DYSF: variants seen among roughly 807,000 people sequenced by gnomAD.
DYSF encodes dysferlin, also known as dystrophy-associated fer-1-like 1.
A neutral mutation model predicts 274.9 loss-of-function variants in DYSF; 212 were observed. That is an observed-to-expected ratio of 0.77 (90% CI 0.69 to 0.86). The LOEUF (loss-of-function observed/expected upper bound fraction) is 0.86. Ranked by LOEUF, DYSF falls within the 40% of genes least tolerant of loss-of-function variation. The probability of loss-of-function intolerance (pLI) is 0.00; values close to 1 mark genes in which losing one functional copy is unlikely to be tolerated. For missense variants in DYSF, 2,666 were observed against 2,783.2 expected (o/e 0.96, Z 0.95); for synonymous variants, 1,091 against 1,078.7 (o/e 1.01, Z -0.22).
chr2:71,465,665 T>C (rs1391669379), upstream of DYSF, among the ~76,000 whole-genome samples: 1 of 151,548 alleles, frequency 6.6e-6, no homozygotes, highest in Non-Finnish European at 1.5e-5. Context: ...GGAAAGGGAG[T>C]TGAGATTTTG....
intron 30 of DYSF, among the ~76,000 whole-genome samples, chr2:71,586,438 G>A (rs1470187510): frequency 1.3e-5 from 2 of 152,052 alleles, no homozygotes; most frequent in Non-Finnish European, 2.9e-5. Flanking sequence ...GTGTGGCTGG[G>A]CCCCTCCTCT....
intron 29 of DYSF, among the ~76,000 whole-genome samples, chr2:71,572,454 G>A (rs2092549269): frequency 6.6e-6 from 1 of 152,224 alleles, no homozygotes. Flanking sequence ...CAACCTGGAA[G>A]ATGGAAAGAC....
chr2:71,563,991 C>A, intron 23 of DYSF, 67 bp from the exon 24 acceptor site: 1 of 1,605,724 alleles, frequency 6.2e-7, no homozygotes, highest in Non-Finnish European at 8.5e-7. Context: ...GGTCAGCTCA[C>A]GGTGTGGCTG....
upstream of DYSF, among the ~76,000 whole-genome samples, chr2:71,465,388 G>A (rs1010884904): frequency 6.6e-6 from 1 of 152,194 alleles, no homozygotes; most frequent in Admixed American, 6.5e-5. Flanking sequence ...GCTCCGTAAA[G>A]AGGAAGCAAA....
chr2:71,503,110 T>C (rs2085153989), intron 3 of DYSF, 104 bp from the exon 4 acceptor site: 6 of 1,028,620 alleles, frequency 5.8e-6, no homozygotes, highest in Non-Finnish European at 9.2e-6. Flanking sequence ...GACTGTGTGG[T>C]CTAGGCAGAC....
Position 71,510,156 on chromosome 2 carries a change from G to C in DYSF, c.346-1651G>C, listed in dbSNP as rs78532208. Among the ~76,000 whole-genome samples, 646 of 152,282 alleles carry C rather than the reference G, an allele frequency of 4.2e-3. 27 individuals carry two copies. The East Asian group carries it at 0.11, about 25-fold the overall frequency. ...CAAGAAGATGGTCCAGGCTCATCTT[G>C]TATCTTCCCTGCCCTAGCCCTGGAA... On this transcript the variant is annotated intron_variant, in intron 4 of 55. Coordinates refer to ENST00000410020, the MANE Select transcript of DYSF (RefSeq NM_001130987.2).
At chr2:71,599,007 G>T (rs2093476303) in intron 33 of DYSF, among the ~76,000 whole-genome samples, 1 of 152,240 alleles carries the variant, frequency 6.6e-6, no homozygotes, top group Admixed American at 6.5e-5. Context: ...GGTTTTCTCT[G>T]CCTCTGCCTC....
At chr2:71,553,268 G>A in intron 20 of DYSF, 80 bp downstream of exon 20, 1 of 1,597,732 alleles carries the variant, frequency 6.3e-7, no homozygotes, top group African/African-American at 1.3e-5. Context: ...GCCTCCCATG[G>A]AAAGCTGCCA....
intron 52 of DYSF, among the ~76,000 whole-genome samples, chr2:71,676,430 A>G (rs1238019442): frequency 6.6e-6 from 1 of 152,000 alleles, no homozygotes; most frequent in Non-Finnish European, 1.5e-5. Flanking sequence ...AATTTTCTTC[A>G]TGGTTTTGCA....
At chr2:71,532,024 A>G (rs1347783674) in intron 14 of DYSF, among the ~76,000 whole-genome samples, 1 of 152,230 alleles carries the variant, frequency 6.6e-6, no homozygotes, top group Non-Finnish European at 1.5e-5. Context: ...CTTATAGATC[A>G]TAACTACCAT....
chr2:71,478,326 C>T (rs2082570449), intron 1 of DYSF, among the ~76,000 whole-genome samples: 1 of 151,878 alleles, frequency 6.6e-6, no homozygotes, highest in South Asian at 2.1e-4. Context: ...ATTCTCCTGC[C>T]TCAGCCTCCC....
rs775670725 is a variant in DYSF at position 71,526,257 on chromosome 2, T to C, written c.1187T>C (p.Ile396Thr). ...GACCCCTCTGAAGACAAGGAGGACA[T>C]TGAAAGCAACCTGCTCCGGCCCACA... ...RKDPSEDKED[I>T]ESNLLRPTGV... Residue 396 changes from isoleucine to threonine, a missense_variant, in exon 13 of 56, where the codon ATT becomes ACT. By Grantham distance (89) the Ile-to-Thr change is moderately conservative (BLOSUM62 -1). Coordinates refer to ENST00000410020, the MANE Select transcript of DYSF (RefSeq NM_001130987.2). 3.7e-6 allele frequency: 6 copies of C among 1,614,134 alleles called. No homozygotes were observed. Among genetic ancestry groups the C allele is most frequent in the Non-Finnish European group, 5.1e-6 (6 of 1,180,050 alleles).
chr2:71,454,122 G>A lies in DYSF; in HGVS notation c.88+36G>A, dbSNP rs577545454. On this transcript the variant is annotated intron_variant, in intron 1 of 54. Transcript: ENST00000258104. Reference sequence around the variant, plus strand: ...CCGACCACCCTCGCCCGGGGTCGGGGTGGGGTAGAGGAGGGGACGCCGCGG... The same window carrying A: ...CCGACCACCCTCGCCCGGGGTCGGGATGGGGTAGAGGAGGGGACGCCGCGG... 7.5e-6 allele frequency: 12 copies of A among 1,598,958 alleles called. No homozygotes were observed. In the African/African-American group the frequency reaches 1.6e-4, roughly 21 times the overall value.
In DYSF at chr2:71,476,838, T is replaced by TTC. The variant is rs1553505731; in HGVS notation, c.92-4045_92-4044insTC. On this transcript the variant is annotated intron_variant, in intron 1 of 55. Transcript: ENST00000410020. ...GAACTAGCTGCTTTTTTTTTTTTTT[T>TTC]CCATGGAATACTGTTTTTACTTTAA... Among the ~76,000 whole-genome samples, 757 of 145,504 alleles carry TTC rather than the reference T, an allele frequency of 5.2e-3. 3 individuals are homozygous for TTC. The highest frequency in any genetic ancestry group is 0.014 in the African/African-American group (539 of 39,062).
chr2:71,524,061 A>G (rs968103106), intron 12 of DYSF, among the ~76,000 whole-genome samples: 3 of 152,172 alleles, frequency 2.0e-5, no homozygotes, highest in African/African-American at 7.2e-5. Flanking sequence ...GACTCTTTCC[A>G]GAATGCTCTT....
At chr2:71,547,879 G>T (rs539189816) in intron 17 of DYSF, among the ~76,000 whole-genome samples, 48 of 152,306 alleles carry the variant, frequency 3.2e-4, no homozygotes, top group African/African-American at 1.1e-3. Flanking sequence ...GCACATGGGG[G>T]TTGGAACTGT....
chr2:71,469,067 G>A (rs921254580), intron 1 of DYSF, among the ~76,000 whole-genome samples: 1 of 152,184 alleles, frequency 6.6e-6, no homozygotes, highest in Non-Finnish European at 1.5e-5. Context: ...TTCCGATGCA[G>A]CAGGTCTGGA....
At chr2:71,654,651 C>T (rs963058515) in intron 42 of DYSF, among the ~76,000 whole-genome samples, 4 of 151,700 alleles carry the variant, frequency 2.6e-5, no homozygotes, top group Non-Finnish European at 4.4e-5. Context: ...TGAAAAACCG[C>T]AAAACTAAAT....
intron 41 of DYSF, among the ~76,000 whole-genome samples, chr2:71,624,200 C>G (rs1220597255): frequency 6.6e-6 from 1 of 152,178 alleles, no homozygotes; most frequent in Non-Finnish European, 1.5e-5. Context: ...ATTAGTACAA[C>G]CCAGCTCATC....
Sources: gnomAD v4.1 joint callset for allele counts (sites outside exome capture counted in the v4.1 genomes callset) on GRCh38, gnomAD v4.1.1 for gene constraint, MANE v1.5 for transcripts, NCBI Gene and HGNC (gene_info 2026-07-23, HGNC 2026-07-21) for gene names.